SLC24A3: variants seen among roughly 807,000 people sequenced by gnomAD.
SLC24A3 encodes sodium/potassium/calcium exchanger 3.
SLC24A3 carries 28 observed loss-of-function variants against 75.8 expected under a neutral mutation model. The observed-to-expected ratio is 0.37, with a 90% CI of 0.27 to 0.51. The LOEUF (loss-of-function observed/expected upper bound fraction) is 0.51. Among genes scored for constraint, SLC24A3 ranks in the 20% least tolerant of loss-of-function variants. The probability of loss-of-function intolerance (pLI) is 0.94; values close to 1 mark genes in which losing one functional copy is unlikely to be tolerated. For missense variants in SLC24A3, 663 were observed against 847.8 expected, an observed-to-expected ratio of 0.78 and a Z score of 2.71; for synonymous variants, 372 against 334.1, an observed-to-expected ratio of 1.11 and a Z score of -1.24.
At chr20:19,276,129 C>T (rs1047162159) in intron 1 of SLC24A3, among the ~76,000 whole-genome samples, 2 of 152,128 alleles carry the variant, frequency 1.3e-5, no homozygotes, top group Non-Finnish European at 2.9e-5. Flanking sequence ...GGCGCCTCTC[C>T]GTATCCCCTT....
At chr20:19,486,930 T>G (rs1288077120) in intron 2 of SLC24A3, among the ~76,000 whole-genome samples, 1 of 152,180 alleles carries the variant, frequency 6.6e-6, no homozygotes, top group Non-Finnish European at 1.5e-5. Context: ...TCAAGTTCTG[T>G]CTTTGCCATG....
At chr20:19,539,314 C>G (rs751464015) in intron 3 of SLC24A3, among the ~76,000 whole-genome samples, 1 of 152,180 alleles carries the variant, frequency 6.6e-6, no homozygotes, top group Non-Finnish European at 1.5e-5. Context: ...CTCCTGCCCT[C>G]CCCACCTCTG....
At chr20:19,478,854 A>C (rs1335778557) in intron 2 of SLC24A3, among the ~76,000 whole-genome samples, 3 of 152,222 alleles carry the variant, frequency 2.0e-5, no homozygotes, top group Non-Finnish European at 4.4e-5. Flanking sequence ...CATCCCCAAA[A>C]TAAAGCCCAG....
intron 6 of SLC24A3, among the ~76,000 whole-genome samples, chr20:19,594,725 G>A (rs1157875005): frequency 6.6e-6 from 1 of 152,128 alleles, no homozygotes; most frequent in African/African-American, 2.4e-5. Flanking sequence ...GATAGATGGA[G>A]AGAGAGTAAG....
intron 7 of SLC24A3, among the ~76,000 whole-genome samples, chr20:19,660,825 G>A (rs754625182): frequency 6.6e-6 from 1 of 151,986 alleles, no homozygotes; most frequent in Non-Finnish European, 1.5e-5. Context: ...TGGCAAAGTC[G>A]GAATAACTAT....
intron 4 of SLC24A3, among the ~76,000 whole-genome samples, chr20:19,580,814 A>G (rs900929268): frequency 6.6e-6 from 1 of 152,136 alleles, no homozygotes; most frequent in African/African-American, 2.4e-5. Context: ...TCCAGAAGGC[A>G]TCTCCCCCAG....
At chr20:19,654,662 T>TTTA (rs1488601629) in intron 7 of SLC24A3, among the ~76,000 whole-genome samples, 140 of 148,776 alleles carry the variant, frequency 9.4e-4, no homozygotes, top group African/African-American at 3.4e-3. Flanking sequence ...TTTTTTTTTT[T>TTTA]TTTGAGATAG....
At chr20:19,561,852 G>A (rs1298128022) in intron 3 of SLC24A3, among the ~76,000 whole-genome samples, 1 of 152,078 alleles carries the variant, frequency 6.6e-6, no homozygotes, top group Non-Finnish European at 1.5e-5. Context: ...CTGAAATATG[G>A]ACCCAGGCTG....
At chr20:19,388,611 T>C (rs1986313310) in intron 2 of SLC24A3, among the ~76,000 whole-genome samples, 2 of 152,262 alleles carry the variant, frequency 1.3e-5, no homozygotes, top group Admixed American at 1.3e-4. Flanking sequence ...CTCGGGAAGC[T>C]GAGGGCAGGA....
intron 3 of SLC24A3, among the ~76,000 whole-genome samples, chr20:19,546,198 C>T (rs1198782122): frequency 2.0e-5 from 2 of 102,526 alleles, no homozygotes; most frequent in Admixed American, 1.0e-4. Context: ...ACCAGGTAAT[C>T]GACCTGAGCC....
At chr20:19,392,624 G>T (rs543048741) in intron 2 of SLC24A3, among the ~76,000 whole-genome samples, 2 of 152,312 alleles carry the variant, frequency 1.3e-5, no homozygotes, top group Admixed American at 1.3e-4. Context: ...TAATGATATT[G>T]TAAGATTATT....
chr20:19,659,623 AGT>A (rs1188983338), intron 7 of SLC24A3, among the ~76,000 whole-genome samples: 2 of 152,210 alleles, frequency 1.3e-5, no homozygotes, highest in Admixed American at 6.5e-5. Flanking sequence ...CTATTTTGTG[AGT>A]CCCACGTTAG....
intron 2 of SLC24A3, among the ~76,000 whole-genome samples, chr20:19,432,331 A>T (rs1987118873): frequency 6.7e-6 from 1 of 149,594 alleles, no homozygotes; most frequent in South Asian, 2.1e-4. Flanking sequence ...ATCCTAATAA[A>T]CAATTTTCAG....
rs540569642 is a variant in SLC24A3 at position 19,324,524 on chromosome 20, C to G, written c.271+43437C>G. Among the ~76,000 whole-genome samples, 33 of 152,300 alleles carry G rather than the reference C, an allele frequency of 2.2e-4. 1 individual carries two copies. The highest frequency in any genetic ancestry group is 1.2e-3 in the South Asian group (6 of 4,828). ...TAAGTGGTGTCACAGTCCCATGTCCCCCAGGGTTGTCCTGGCCTTGGGGTT... is the reference window on the plus strand; with the variant it reads ...TAAGTGGTGTCACAGTCCCATGTCCGCCAGGGTTGTCCTGGCCTTGGGGTT... On this transcript the variant is annotated intron_variant, in intron 2 of 16. Transcript: ENST00000328041.
At chr20:19,239,205 A>G (rs894607877) in intron 1 of SLC24A3, among the ~76,000 whole-genome samples, 3 of 151,890 alleles carry the variant, frequency 2.0e-5, no homozygotes, top group East Asian at 1.9e-4. Context: ...AGACAGCCCT[A>G]TCCCTCTCTT....
At chr20:19,275,027 C>T (rs142680840) in intron 1 of SLC24A3, among the ~76,000 whole-genome samples, 4 of 152,358 alleles carry the variant, frequency 2.6e-5, no homozygotes, top group Non-Finnish European at 5.9e-5. Flanking sequence ...TTACAAGACT[C>T]AGTTTCTTCA....
chr20:19,642,320 G>A (rs929408571), intron 6 of SLC24A3, among the ~76,000 whole-genome samples: 6 of 152,176 alleles, frequency 3.9e-5, no homozygotes, highest in Non-Finnish European at 5.9e-5. Context: ...TTTTCATTCC[G>A]AAATCTTAGG....
intron 6 of SLC24A3, among the ~76,000 whole-genome samples, chr20:19,595,636 G>C (rs2031442961): frequency 6.6e-6 from 1 of 152,150 alleles, no homozygotes; most frequent in Non-Finnish European, 1.5e-5. Flanking sequence ...CTTTTTAGCG[G>C]CAGGCACAAA....
chr20:19,571,103 A>G (rs1012970094), intron 3 of SLC24A3, among the ~76,000 whole-genome samples: 2 of 151,558 alleles, frequency 1.3e-5, no homozygotes, highest in African/African-American at 4.9e-5. Context: ...CTGGGTTCAA[A>G]TCCTGCCTCT....
Sources: gnomAD v4.1 joint callset for allele counts (sites outside exome capture counted in the v4.1 genomes callset) on GRCh38, gnomAD v4.1.1 for gene constraint, MANE v1.5 for transcripts, NCBI Gene and HGNC (gene_info 2026-07-23, HGNC 2026-07-21) for gene names.